CYYR1: variants seen among roughly 807,000 people sequenced by gnomAD.
CYYR1 encodes cysteine and tyrosine rich 1.
Under a neutral mutation model 15.2 loss-of-function variants are expected in CYYR1, and 14 were observed. The ratio of observed to expected loss-of-function variants is 0.92; its 90% CI spans 0.61 to 1.44. The LOEUF (loss-of-function observed/expected upper bound fraction) is 1.44. Ranked by LOEUF, CYYR1 falls within the 40% of genes most tolerant of loss-of-function variation. CYYR1 has a pLI of 0.00. For missense variants in CYYR1, 228 were observed against 209.5 expected (o/e 1.09, Z -0.54); for synonymous variants, 80 against 77.4 (o/e 1.03, Z -0.18).
At chr21:26,493,704 G>C (rs1479257137) in intron 2 of CYYR1, among the ~76,000 whole-genome samples, 1 of 152,232 alleles carries the variant, frequency 6.6e-6, no homozygotes, top group Middle Eastern at 3.4e-3. Context: ...TCTAGAAAGG[G>C]AAGTTTCTGA....
At chr21:26,533,914 G>T (rs1198041735) in intron 2 of CYYR1, among the ~76,000 whole-genome samples, 2 of 152,104 alleles carry the variant, frequency 1.3e-5, no homozygotes, top group Non-Finnish European at 2.9e-5. Context: ...CTTTTGTTAG[G>T]AATTGAGGAC....
At chr21:26,504,187 G>A (rs1601762985) in intron 2 of CYYR1, among the ~76,000 whole-genome samples, 1 of 151,866 alleles carries the variant, frequency 6.6e-6, no homozygotes, top group South Asian at 2.1e-4. Context: ...CAGACACCAA[G>A]TACAAATTAT....
At chr21:26,565,374 A>T (rs1980539109) in intron 2 of CYYR1, among the ~76,000 whole-genome samples, 1 of 152,192 alleles carries the variant, frequency 6.6e-6, no homozygotes, top group Non-Finnish European at 1.5e-5. Context: ...GGCATGAATT[A>T]AACAGAACAT....
At chr21:26,497,492 C>G (rs930369218) in intron 2 of CYYR1, among the ~76,000 whole-genome samples, 1 of 152,148 alleles carries the variant, frequency 6.6e-6, no homozygotes, top group Non-Finnish European at 1.5e-5. Flanking sequence ...GGTTATACAG[C>G]CTTCAGCCCT....
At chr21:26,505,654 A>C (rs766073197) in intron 2 of CYYR1, among the ~76,000 whole-genome samples, 2 of 152,198 alleles carry the variant, frequency 1.3e-5, no homozygotes, top group African/African-American at 2.4e-5. Flanking sequence ...AAGCCAATAT[A>C]ATCATAAAGT....
At chr21:26,475,636 T>C (rs1294894929) in intron 3 of CYYR1, among the ~76,000 whole-genome samples, 1 of 152,180 alleles carries the variant, frequency 6.6e-6, no homozygotes, top group East Asian at 1.9e-4. Context: ...CTTGACTTCA[T>C]GTCCACCTCA....
At chr21:26,490,266 C>T (rs2065310145) in intron 2 of CYYR1, among the ~76,000 whole-genome samples, 1 of 151,998 alleles carries the variant, frequency 6.6e-6, no homozygotes, top group Non-Finnish European at 1.5e-5. Flanking sequence ...CCTCACTGCA[C>T]TCCAACCTGG....
chr21:26,532,866 A>C (rs530755780), intron 2 of CYYR1, among the ~76,000 whole-genome samples: 88 of 152,296 alleles, frequency 5.8e-4, no homozygotes, highest in African/African-American at 2.0e-3. Flanking sequence ...TTCAATGTAC[A>C]CAAACTGTTT....
intron 3 of CYYR1, among the ~76,000 whole-genome samples, chr21:26,471,999 T>G (rs930189221): frequency 6.6e-6 from 1 of 152,192 alleles, no homozygotes; most frequent in African/African-American, 2.4e-5. Context: ...GGTGGGAAGA[T>G]GCGTGGTGTT....
intron 3 of CYYR1, among the ~76,000 whole-genome samples, chr21:26,469,387 G>C (rs1461234589): frequency 6.6e-6 from 1 of 151,892 alleles, no homozygotes; most frequent in Non-Finnish European, 1.5e-5. Flanking sequence ...AGGAAATGAA[G>C]ATGAAACATT....
At chr21:26,485,783 G>C (rs561479005) in intron 2 of CYYR1, among the ~76,000 whole-genome samples, 2 of 152,008 alleles carry the variant, frequency 1.3e-5, no homozygotes, top group African/African-American at 4.8e-5. Context: ...ACAGATTTTT[G>C]TGTGGACATA....
intron 2 of CYYR1, among the ~76,000 whole-genome samples, chr21:26,524,393 T>C (rs953755165): frequency 7.9e-5 from 12 of 152,214 alleles, no homozygotes; most frequent in Admixed American, 7.9e-4. Context: ...TTGCTTACAT[T>C]GAATGTTTTG....
chr21:26,512,585 A>G (rs1464697950), intron 2 of CYYR1, among the ~76,000 whole-genome samples: 1 of 152,182 alleles, frequency 6.6e-6, no homozygotes, highest in Non-Finnish European at 1.5e-5. Context: ...CCTGTTAGCT[A>G]AGAACATTCT....
At chr21:26,478,347 G>A (rs567345301) in intron 3 of CYYR1, among the ~76,000 whole-genome samples, 1 of 152,110 alleles carries the variant, frequency 6.6e-6, no homozygotes, top group East Asian at 1.9e-4. Flanking sequence ...AGACTTAAAT[G>A]AAGTGAGGGA....
intron 3 of CYYR1, among the ~76,000 whole-genome samples, chr21:26,469,122 A>G (rs555884086): frequency 1.3e-5 from 2 of 152,324 alleles, no homozygotes; most frequent in African/African-American, 4.8e-5. Flanking sequence ...AGGCAGAGGT[A>G]GATAAAAGAA....
At chr21:26,570,083 T>C (rs1980911908) in intron 1 of CYYR1, among the ~76,000 whole-genome samples, 1 of 152,228 alleles carries the variant, frequency 6.6e-6, no homozygotes, top group Admixed American at 6.5e-5. Context: ...TGTTGGTTGC[T>C]TTCTCTGGGA....
At chr21:26,528,249 T>G (rs961394495) in intron 2 of CYYR1, among the ~76,000 whole-genome samples, 6 of 152,162 alleles carry the variant, frequency 3.9e-5, no homozygotes, top group African/African-American at 9.7e-5. Flanking sequence ...TTCCAGAAAT[T>G]TGTTAATGCA....
intron 2 of CYYR1, among the ~76,000 whole-genome samples, chr21:26,535,721 G>A (rs546109375): frequency 6.6e-6 from 1 of 152,268 alleles, no homozygotes; most frequent in South Asian, 2.1e-4. Context: ...GCCACAGTGA[G>A]TCGGTGGCCA....
At chr21:26,473,420 T>C (rs1469399676) in intron 3 of CYYR1, among the ~76,000 whole-genome samples, 2 of 152,292 alleles carry the variant, frequency 1.3e-5, no homozygotes, top group East Asian at 3.9e-4. Flanking sequence ...TAACCTATTG[T>C]TCCCCTTCCA....
Sources: allele counts gnomAD v4.1 joint callset (sites outside exome capture counted in the v4.1 genomes callset), GRCh38; gene constraint gnomAD v4.1.1; transcripts MANE v1.5; gene names NCBI Gene and HGNC (gene_info 2026-07-23, HGNC 2026-07-21).